TLX3: variants seen among roughly 807,000 people sequenced by gnomAD.
TLX3 encodes T-cell leukemia homeobox protein 3.
TLX3 carries 11 observed loss-of-function variants against 19.6 expected under a neutral mutation model. That is an observed-to-expected ratio of 0.56 (90% CI 0.35 to 0.93). TLX3 has a LOEUF of 0.93. Among genes scored for constraint, TLX3 ranks in the 40% least tolerant of loss-of-function variants. TLX3 has a pLI of 0.01. For synonymous variants in TLX3, 221 were observed against 188.1 expected, an observed-to-expected ratio of 1.17 and a Z score of -1.43; for missense variants, 375 against 418.6, an observed-to-expected ratio of 0.90 and a Z score of 0.91.
rs765665907 is a variant in TLX3 at position 171,309,483 on chromosome 5, G to T, written c.118G>T (p.Gly40Cys). The T allele has an allele frequency of 6.3e-7, 1 of 1,588,712 alleles. No individual in the cohort carries two copies. Among genetic ancestry groups the T allele is most frequent in the Admixed American group, 1.8e-5 (1 of 56,690 alleles). Residue 40 changes from glycine to cysteine, a missense_variant, in exon 1 of 3, where the codon GGC (glycine) becomes TGC (cysteine). Gly to Cys is a radical substitution (Grantham distance 159). Around this residue, in one of 3 missense-constraint regions of TLX3, gnomAD observed 239 missense variants for 217.0 expected, o/e 1.10. Coordinates refer to ENST00000296921, the MANE Select transcript of TLX3 (RefSeq NM_021025.4). ...DSAPAPRGPD[G>C]ASYLGGPPGG... ...CGCACCCGCCCCGCGGGGCCCCGAC[G>T]GCGCCAGCTACCTGGGAGGGCCCCC... is the stretch of plus-strand genomic sequence containing the variant.
rs1769178077 is a variant in TLX3 at position 171,309,441 on chromosome 5, A to G, written c.76A>G (p.Ser26Gly). 6.2e-7 allele frequency: 1 copy of G among 1,605,874 alleles called. No individual in the cohort carries two copies. The highest frequency in any genetic ancestry group is 8.5e-7 in the Non-Finnish European group (1 of 1,176,904). The change falls in exon 1 of 3, where the codon AGC (serine) becomes GGC (glycine). Residue 26 changes from serine (S) to glycine (G), a missense_variant. Physicochemically the swap from Ser to Gly is moderately conservative, Grantham distance 56. Coordinates refer to ENST00000296921, the MANE Select transcript of TLX3 (RefSeq NM_021025.4). ...ISFGIDQILNSPDQDSAPAPR... is the reference protein window; with the variant it reads ...ISFGIDQILNGPDQDSAPAPR... Reference sequence around the variant, plus strand: ...CTTCGGCATCGACCAGATCCTTAACAGCCCGGACCAGGACAGCGCACCCGC... The same window carrying G: ...CTTCGGCATCGACCAGATCCTTAACGGCCCGGACCAGGACAGCGCACCCGC...
rs545958310 is a variant in TLX3, at chr5:171,311,697, G to A, written c.*98G>A. ...CTGCGGGGGAACCGGCGCCGAGAGGGGAAGGGGCCGCCTAGCCCGAGTAGG... is the reference window on the plus strand; with the variant it reads ...CTGCGGGGGAACCGGCGCCGAGAGGAGAAGGGGCCGCCTAGCCCGAGTAGG... On this transcript the variant is annotated 3_prime_UTR_variant, in exon 3 of 3. Transcript: ENST00000296921. The surrounding 1 kb of genome is among the most constrained non-coding windows in gnomAD (Gnocchi z 5.1). 5.3e-6 allele frequency: 5 copies of A among 942,124 alleles called. No homozygotes were observed. The East Asian group carries it at 1.2e-4, about 22-fold the overall frequency. 58.4% of individuals were successfully genotyped at this position (942,124 alleles called of 1,614,324 possible). A position where few individuals can be genotyped will look rare whatever the true frequency, so the allele number is the denominator to read the frequency against.
In TLX3 at chr5:171,309,384, G is replaced by T. The variant is rs774545454; in HGVS notation, c.19G>T (p.Ala7Ser). Residue 7 changes from alanine (A) to serine (S), a missense_variant, in exon 1 of 3, where the codon GCG becomes TCG. By Grantham distance (99) the Ala-to-Ser change is moderately conservative. Coordinates refer to ENST00000296921, the MANE Select transcript of TLX3 (RefSeq NM_021025.4). ...GCCCAGGATGGAGGCGCCCGCCAGC[G>T]CGCAGACCCCGCACCCGCACGAGCC... MEAPAS[A>S]QTPHPHEPIS... The T allele has an allele frequency of 1.1e-5, 15 of 1,349,398 alleles. No homozygotes were observed. The highest frequency in any genetic ancestry group is 1.4e-5 in the Non-Finnish European group (14 of 1,017,100). 83.6% of individuals were successfully genotyped at this position (1,349,398 alleles called of 1,614,324 possible). A position where few individuals can be genotyped will look rare whatever the true frequency, so the allele number is the denominator to read the frequency against.
intron 1 of TLX3, 85 bp from the exon 2 acceptor site, chr5:171,310,065 C>CCCACGGGGCG: frequency 6.8e-7 from 1 of 1,470,072 alleles, no homozygotes; most frequent in Non-Finnish European, 9.0e-7. Flanking sequence ...CTCTCCGTGT[C>CCCACGGGGCG]CCACGGGGCG....
chr5:171,311,270 C>T lies in TLX3; in HGVS notation c.666-119C>T. The T allele has an allele frequency of 2.5e-6, 2 of 789,998 alleles. No individual in the cohort carries two copies. Among genetic ancestry groups the T allele is most frequent in the South Asian group, 1.9e-5 (1 of 53,880 alleles). The allele number at this position is 789,998 out of a possible 1,614,324, so 48.9% of individuals were successfully genotyped here. A position where few individuals can be genotyped will look rare whatever the true frequency, so the allele number is the denominator to read the frequency against. On this transcript the variant is annotated intron_variant, in intron 2 of 2. Transcript: ENST00000296921. This position sits in a 1 kb window ranked among gnomAD's most constrained non-coding sequence, Gnocchi z 5.1. ...CGTAAAGCGCGGGCTGGGAGGCAGA[C>T]GGGTTCTGCGCCTCGAGGCTCCCGG... is the stretch of plus-strand genomic sequence containing the variant.
Position 171,311,634 on chromosome 5 carries a change from C to T in TLX3, c.*35C>T, listed in dbSNP as rs1191498025. ...CGCGCACCGTCGCCACGGATCGCCG[C>T]CCCCACCCAGCCGGGCGCCCCGGAC... On this transcript the variant is annotated 3_prime_UTR_variant, in exon 3 of 3. Transcript: ENST00000296921. This position sits in a 1 kb window ranked among gnomAD's most constrained non-coding sequence, Gnocchi z 5.1. 1 of 1,537,334 alleles carries T rather than the reference C, an allele frequency of 6.5e-7. No individual in the cohort carries two copies. Among genetic ancestry groups the T allele is most frequent in the South Asian group, 1.2e-5 (1 of 85,756 alleles).
intron 2 of TLX3, 137 bp downstream of exon 2, chr5:171,310,530 C>G (rs1769202447): frequency 2.7e-6 from 3 of 1,106,296 alleles, no homozygotes; most frequent in Non-Finnish European, 3.8e-6. Context: ...ACACCCCCAC[C>G]CCGCCTTCGC....
Position 171,309,404 on chromosome 5 carries a change from C to G in TLX3, c.39C>G (p.His13Gln), listed in dbSNP as rs757689074. 8.1e-6 allele frequency: 13 copies of G among 1,605,754 alleles called. No individual in the cohort carries two copies. In the Admixed American group the frequency reaches 1.7e-4, roughly 21 times the overall value. The change falls in exon 1 of 3, where the codon CAC (histidine) becomes CAG (glutamine). Residue 13 changes from histidine to glutamine, a missense_variant. By Grantham distance (24) the His-to-Gln change is conservative. Around this residue, in one of 3 missense-constraint regions of TLX3, gnomAD observed 239 missense variants for 217.0 expected, o/e 1.10. Coordinates refer to ENST00000296921, the MANE Select transcript of TLX3 (RefSeq NM_021025.4). ...APASAQTPHP[H>Q]EPISFGIDQI... ...CCAGCGCGCAGACCCCGCACCCGCA[C>G]GAGCCCATCAGCTTCGGCATCGACC...
Position 171,309,327 on chromosome 5 carries a change from T to TACCCCCCCCCCCC in TLX3, c.-39_-38insACCCCCCCCCCCC. On this transcript the variant is annotated 5_prime_UTR_variant, in exon 1 of 3. Transcript: ENST00000296921. ...GCGCCGTAACGGGGACCCAGCCGCC[T>TACCCCCCCCCCCC]CCCCGCCCAGCCCAGCCCAGCCCTT... 1 of 976,978 alleles carries TACCCCCCCCCCCC rather than the reference T, an allele frequency of 1.0e-6. No individual in the cohort carries two copies. The allele number at this position is 976,978 out of a possible 1,614,324, so 60.5% of individuals were successfully genotyped here.
In TLX3 at chr5:171,311,856, G is replaced by A; in HGVS notation, c.*257G>A. 1 of 318,518 alleles carries A rather than the reference G, an allele frequency of 3.1e-6. No homozygotes were observed. The highest frequency in any genetic ancestry group is 5.7e-6 in the Non-Finnish European group (1 of 175,678). The allele number at this position is 318,518 out of a possible 1,614,324, so 19.7% of individuals were successfully genotyped here. A position where few individuals can be genotyped will look rare whatever the true frequency, so the allele number is the denominator to read the frequency against. On this transcript the variant is annotated 3_prime_UTR_variant, in exon 3 of 3. Coordinates refer to ENST00000296921, the MANE Select transcript of TLX3 (RefSeq NM_021025.4). This position sits in a 1 kb window ranked among gnomAD's most constrained non-coding sequence, Gnocchi z 5.1. ...CGGGCCTGACAAGAAAGCGCCTTACGTTTCTCCGCCCCCCGCCCGCACCCC... is the reference window on the plus strand; with the variant it reads ...CGGGCCTGACAAGAAAGCGCCTTACATTTCTCCGCCCCCCGCCCGCACCCC...
Position 171,310,313 on chromosome 5 carries a change from G to A in TLX3, c.585G>A (p.Glu195=), listed in dbSNP as rs532215702. ...FHRQKYLASA[E]RAALAKSLKM... ...GCCAGAAGTACCTGGCCTCTGCCGA[G>A]AGGGCGGCGCTCGCCAAGTCCCTCA... The change falls in exon 2 of 3, where the codon GAG becomes GAA. Residue 195 remains glutamate (E), a synonymous_variant. Transcript: ENST00000296921. The A allele has an allele frequency of 1.1e-4, 172 of 1,608,812 alleles. 1 individual carries two copies. The East Asian group carries it at 3.8e-3, about 35-fold the overall frequency.
In TLX3 at chr5:171,310,345, C is replaced by T; in HGVS notation, c.617C>T (p.Thr206Met). The T allele has an allele frequency of 6.2e-7, 1 of 1,613,390 alleles. No homozygotes were observed. Among genetic ancestry groups the T allele is most frequent in the Non-Finnish European group, 8.5e-7 (1 of 1,179,744 alleles). ...RAALAKSLKM[T>M]DAQVKTWFQN... ...GCGCTCGCCAAGTCCCTCAAAATGA[C>T]GGACGCGCAGGTCAAGACCTGGTTC... The change falls in exon 2 of 3, where the codon ACG becomes ATG. Residue 206 changes from threonine to methionine, a missense_variant. Coordinates refer to ENST00000296921, the MANE Select transcript of TLX3 (RefSeq NM_021025.4).
At position 171,311,479 on chromosome 5, in the gene TLX3, C is replaced by T. The variant is rs745780710; in HGVS notation, c.756C>T (p.Leu252=). The change falls in exon 3 of 3, where the codon CTC becomes CTT. Residue 252 remains leucine (L), a synonymous_variant. Coordinates refer to ENST00000296921, the MANE Select transcript of TLX3 (RefSeq NM_021025.4). This position sits in a 1 kb window ranked among gnomAD's most constrained non-coding sequence, Gnocchi z 5.1. The stretch of plus-strand genomic sequence containing the variant: ...AACACGACGCCTTCCAAAAGAGCCT[C>T]AACGACTCCATCCAGCCTGACCCGC... ...QLQHDAFQKS[L]NDSIQPDPLC... is the part of the protein sequence containing the mutation. 1 of 1,610,372 alleles carries T rather than the reference C, an allele frequency of 6.2e-7. No homozygotes were observed. The highest frequency in any genetic ancestry group is 8.5e-7 in the Non-Finnish European group (1 of 1,178,486).
Position 171,310,140 on chromosome 5 carries a change from GTC to G in TLX3, c.422-7_422-6del, listed in dbSNP as rs1207379573. On this transcript the variant is annotated splice_polypyrimidine_tract_variant and splice_region_variant and intron_variant, in intron 1 of 2. Transcript: ENST00000296921. ...GGCTGGGCTTCAGGGGCCCTCCTGT[GTC>G]TCCGCAGCGGCGGCCGCACTCACGC... 1.3e-6 allele frequency: 2 copies of G among 1,548,814 alleles called. No homozygotes were observed. The highest frequency in any genetic ancestry group is 1.7e-6 in the Non-Finnish European group (2 of 1,146,368).
chr5:171,310,373 A>G lies in TLX3; in HGVS notation c.645A>G (p.Gln215=). The change falls in exon 2 of 3, where the codon CAA becomes CAG. Residue 215 remains glutamine (Q), a synonymous_variant. Coordinates refer to ENST00000296921, the MANE Select transcript of TLX3 (RefSeq NM_021025.4). The part of the protein sequence containing the change: ...MTDAQVKTWF[Q]NRRTKWRRQT... ...ACGCGCAGGTCAAGACCTGGTTCCA[A>G]AACCGGAGGACCAAGTGGCGGTGAG... The G allele has an allele frequency of 3.1e-6, 5 of 1,613,828 alleles. No homozygotes were observed. Among genetic ancestry groups the G allele is most frequent in the Non-Finnish European group, 4.2e-6 (5 of 1,179,938 alleles).
rs1769199815 is a variant in TLX3, at chr5:171,310,378, G to A, written c.650G>A (p.Arg217Gln). ...CAGGTCAAGACCTGGTTCCAAAACC[G>A]GAGGACCAAGTGGCGGTGAGAGAGG... ...DAQVKTWFQN[R>Q]RTKWRRQTAE... The change falls in exon 2 of 3, where the codon CGG becomes CAG. Residue 217 changes from arginine (R) to glutamine (Q), a missense_variant. By Grantham distance (43) the Arg-to-Gln change is conservative (BLOSUM62 1). Coordinates refer to ENST00000296921, the MANE Select transcript of TLX3 (RefSeq NM_021025.4). The A allele has an allele frequency of 6.2e-7, 1 of 1,613,752 alleles. No homozygotes were observed. Among genetic ancestry groups the A allele is most frequent in the Non-Finnish European group, 8.5e-7 (1 of 1,179,904 alleles).
rs1228794680 is a variant in TLX3, at chr5:171,311,451, T to A, written c.728T>A (p.Leu243Gln). 2.5e-6 allele frequency: 4 copies of A among 1,593,782 alleles called. No individual in the cohort carries two copies. Among genetic ancestry groups the A allele is most frequent in the South Asian group, 1.1e-5 (1 of 87,932 alleles). ...RQQASRLMLQ[L>Q]QHDAFQKSLN... is the part of the protein sequence containing the mutation. Reference sequence around the variant, plus strand: ...CAGGCGAGCCGGCTCATGCTGCAGCTGCAACACGACGCCTTCCAAAAGAGC... The same window carrying A: ...CAGGCGAGCCGGCTCATGCTGCAGCAGCAACACGACGCCTTCCAAAAGAGC... The change falls in exon 3 of 3, where the codon CTG becomes CAG. Residue 243 changes from leucine to glutamine, a missense_variant. Transcript: ENST00000296921. This position sits in a 1 kb window ranked among gnomAD's most constrained non-coding sequence, Gnocchi z 5.1.
chr5:171,311,929 A>G lies in TLX3; in HGVS notation c.*330A>G. The G allele has an allele frequency of 4.6e-6, 1 of 219,464 alleles. No individual in the cohort carries two copies. Among genetic ancestry groups the G allele is most frequent in the Non-Finnish European group, 9.1e-6 (1 of 110,066 alleles). The allele number at this position is 219,464 out of a possible 1,614,324, so 13.6% of individuals were successfully genotyped here. On this transcript the variant is annotated 3_prime_UTR_variant, in exon 3 of 3. Coordinates refer to ENST00000296921, the MANE Select transcript of TLX3 (RefSeq NM_021025.4). This position sits in a 1 kb window ranked among gnomAD's most constrained non-coding sequence, Gnocchi z 5.1. ...ACTTTGTACTTTTGCCCAAACGTGT[A>G]AATAATAAAAAAGTTTTGGCTTTTT...
rs200588592 is a variant in TLX3, at chr5:171,311,418, A to G, written c.695A>G (p.Glu232Gly). The G allele has an allele frequency of 9.5e-4, 1,491 of 1,562,640 alleles. No homozygotes were observed. The highest frequency in any genetic ancestry group is 1.2e-3 in the Non-Finnish European group (1,369 of 1,154,822). ...CAGACGGCGGAGGAGCGGGAGGCGG[A>G]GCGGCAGCAGGCGAGCCGGCTCATG... ...RRQTAEEREA[E>G]RQQASRLMLQ... is the part of the protein sequence containing the mutation. Residue 232 changes from glutamate (E) to glycine (G), a missense_variant, in exon 3 of 3, where the codon GAG (glutamate) becomes GGG (glycine). This residue lies in a region of TLX3 where 74 missense variants were observed against 138.6 expected (regional missense o/e 0.53). Transcript: ENST00000296921. The surrounding 1 kb of genome is among the most constrained non-coding windows in gnomAD (Gnocchi z 5.1).
Sources: gnomAD v4.1 joint callset for allele counts on GRCh38, gnomAD v4.1.1 for gene constraint, gnomAD v4.1.1 regional missense constraint, Gnocchi (gnomAD v3.1) non-coding constraint, MANE v1.5 for transcripts, NCBI Gene and HGNC (gene_info 2026-07-23, HGNC 2026-07-21) for gene names.